The following ZNF638 variants were observed in gnomAD, a reference collection of about 807,000 sequenced individuals.
ZNF638 encodes CTCL tumor antigen se33-1.
In ZNF638, 46 loss-of-function variants were observed where a neutral mutation model predicts 195.6. The ratio of observed to expected loss-of-function variants is 0.24; its 90% CI spans 0.19 to 0.30. ZNF638 has a LOEUF of 0.30. Ranked by LOEUF, ZNF638 falls within the 10% of genes least tolerant of loss-of-function variation. The pLI, the probability that ZNF638 is intolerant of heterozygous loss-of-function variation, is 1.00. For missense variants in ZNF638, 2,440 were observed against 2,325.3 expected (o/e 1.05, Z -1.01); for synonymous variants, 845 against 772.0 (o/e 1.09, Z -1.57).
At chr2:71,424,165 A>G in intron 22 of ZNF638, 127 bp downstream of exon 22, 1 of 1,287,810 alleles carries the variant, frequency 7.8e-7, no homozygotes, top group Non-Finnish European at 1.0e-6. Flanking sequence ...GGAAGCTCCC[A>G]TTTCCTTTTC....
At chr2:71,377,073 G>T (rs1286960445) in intron 8 of ZNF638, among the ~76,000 whole-genome samples, 1 of 152,164 alleles carries the variant, frequency 6.6e-6, no homozygotes, top group African/African-American at 2.4e-5. Flanking sequence ...AGGAGTTTGA[G>T]ACTAGCCCAG....
Position 71,348,892 on chromosome 2 carries a change from G to A in ZNF638, c.-63G>A, listed in dbSNP as rs1290504354. 5.6e-6 allele frequency: 9 copies of A among 1,613,738 alleles called. No homozygotes were observed. The highest frequency in any genetic ancestry group is 5.5e-5 in the South Asian group (5 of 91,012). On this transcript the variant is annotated 5_prime_UTR_variant, in exon 2 of 28. Coordinates refer to ENST00000264447, the MANE Select transcript of ZNF638 (RefSeq NM_014497.5). ...GTTGGCGCTTCAGCAGCTGAATGCC[G>A]TTGCCTCACATGGTTCAACACCACC...
Position 71,423,998 on chromosome 2 carries a change from C to G in ZNF638, c.4484C>G (p.Ala1495Gly). ...ACAAAACAATCTCAGGAAACAGAGG[C>G]TAGACCTTCCATCATGAAACGGGAT... ...DITKQSQETEARPSIMKRDDS... is the reference protein window; with the variant it reads ...DITKQSQETEGRPSIMKRDDS... Residue 1495 changes from alanine to glycine, a missense_variant, in exon 22 of 28, where the codon GCT (alanine) becomes GGT (glycine). Physicochemically the swap from Ala to Gly is moderately conservative, Grantham distance 60 (BLOSUM62 0). Transcript: ENST00000264447. 1 of 1,613,962 alleles carries G rather than the reference C, an allele frequency of 6.2e-7. No individual in the cohort carries two copies. Among genetic ancestry groups the G allele is most frequent in the Non-Finnish European group, 8.5e-7 (1 of 1,179,914 alleles).
intron 1 of ZNF638, among the ~76,000 whole-genome samples, chr2:71,332,216 G>A (rs2078583390): frequency 6.6e-6 from 1 of 152,242 alleles, no homozygotes; most frequent in South Asian, 2.1e-4. Flanking sequence ...AGGCCGAGGC[G>A]GCCCCTTCCC....
intron 19 of ZNF638, 36 bp from the exon 20 acceptor site, chr2:71,408,086 A>T (rs763356701): frequency 3.2e-6 from 5 of 1,581,666 alleles, no homozygotes; most frequent in South Asian, 2.3e-5. Flanking sequence ...CAATTTTTTT[A>T]AAGAACTATT....
chr2:71,421,789 G>A (rs2080439440), intron 21 of ZNF638, among the ~76,000 whole-genome samples: 1 of 152,056 alleles, frequency 6.6e-6, no homozygotes, highest in Non-Finnish European at 1.5e-5. Flanking sequence ...GAATATATTT[G>A]GTAAATTTTA....
intron 3 of ZNF638, among the ~76,000 whole-genome samples, chr2:71,357,129 C>G (rs1439510853): frequency 2.0e-5 from 3 of 152,164 alleles, no homozygotes; most frequent in African/African-American, 7.2e-5. Context: ...ATATATGCCT[C>G]TCCCATCTGA....
chr2:71,426,728 C>T lies in ZNF638; in HGVS notation c.4859C>T (p.Thr1620Ile). 6.2e-7 allele frequency: 1 copy of T among 1,614,112 alleles called. No homozygotes were observed. Among genetic ancestry groups the T allele is most frequent in the Non-Finnish European group, 8.5e-7 (1 of 1,180,012 alleles). The change falls in exon 24 of 28, where the codon ACT (threonine) becomes ATT (isoleucine). Residue 1620 changes from threonine to isoleucine, a missense_variant. Coordinates refer to ENST00000264447, the MANE Select transcript of ZNF638 (RefSeq NM_014497.5). ...AAAHLAQALV[T>I]VDEVIDEEEL... is the part of the protein sequence containing the mutation. ...GCACATCTAGCACAAGCTCTAGTCACTGTGGATGAAGTAATTGATGAAGAA... is the reference window on the plus strand; with the variant it reads ...GCACATCTAGCACAAGCTCTAGTCATTGTGGATGAAGTAATTGATGAAGAA...
At chr2:71,367,621 A>G (rs1215757993) in intron 6 of ZNF638, among the ~76,000 whole-genome samples, 1 of 151,422 alleles carries the variant, frequency 6.6e-6, no homozygotes, top group Non-Finnish European at 1.5e-5. Flanking sequence ...TTTTATTTTT[A>G]GCAGAGACGG....
intron 8 of ZNF638, among the ~76,000 whole-genome samples, chr2:71,377,147 C>T (rs1034319161): frequency 3.3e-5 from 5 of 151,998 alleles, no homozygotes; most frequent in Non-Finnish European, 1.5e-5. Context: ...GTGGCACGCA[C>T]CCAGCTGCTG....
At chr2:71,350,992 C>T (rs2078930771) in intron 2 of ZNF638, among the ~76,000 whole-genome samples, 2 of 152,146 alleles carry the variant, frequency 1.3e-5, no homozygotes, top group Non-Finnish European at 2.9e-5. Flanking sequence ...TAATGTAGAA[C>T]ATACTGTTCA....
At chr2:71,357,447 G>GT (rs1486911453) in intron 3 of ZNF638, among the ~76,000 whole-genome samples, 1 of 152,198 alleles carries the variant, frequency 6.6e-6, no homozygotes, top group Non-Finnish European at 1.5e-5. Flanking sequence ...TACTGCCACT[G>GT]TAAGGAATAC....
rs556855275 is a variant in ZNF638, at chr2:71,333,943, C to T, written c.-203+2068C>T. ...GCATTGTTTGATAGAAAATTATAATCTGTGGGTATTCTCTTCTAATTAAAC... is the reference window on the plus strand; with the variant it reads ...GCATTGTTTGATAGAAAATTATAATTTGTGGGTATTCTCTTCTAATTAAAC... On this transcript the variant is annotated intron_variant, in intron 1 of 27. Transcript: ENST00000264447. Among the ~76,000 whole-genome samples, 5 of 152,268 alleles carry T rather than the reference C, an allele frequency of 3.3e-5. No homozygotes were observed. In the South Asian group the frequency reaches 1.0e-3, roughly 32 times the overall value.
rs908907021 is a variant in ZNF638 at position 71,426,902 on chromosome 2, A to C, written c.5033A>C (p.Glu1678Ala). The C allele has an allele frequency of 6.2e-7, 1 of 1,614,198 alleles. No individual in the cohort carries two copies. Among genetic ancestry groups the C allele is most frequent in the Non-Finnish European group, 8.5e-7 (1 of 1,180,016 alleles). The change falls in exon 24 of 28, where the codon GAA becomes GCA. Residue 1678 changes from glutamate to alanine, a missense_variant. Coordinates refer to ENST00000264447, the MANE Select transcript of ZNF638 (RefSeq NM_014497.5). ...VAEEQDLLKQ[E>A]RLVTVDEIGE... The stretch of plus-strand genomic sequence containing the variant: ...GAAGAACAAGATCTCCTCAAACAGG[A>C]ACGCTTGGTAACTGTGGATGAAATT...
chr2:71,377,610 G>A (rs2079455332), intron 8 of ZNF638, among the ~76,000 whole-genome samples: 2 of 152,218 alleles, frequency 1.3e-5, no homozygotes, highest in South Asian at 4.1e-4. Context: ...TTATGCCTCT[G>A]TTGTGTCAGG....
chr2:71,406,854 G>A (rs1440533608), intron 19 of ZNF638, among the ~76,000 whole-genome samples: 1 of 152,090 alleles, frequency 6.6e-6, no homozygotes, highest in Non-Finnish European at 1.5e-5. Flanking sequence ...TTAAAAATTA[G>A]CTGGGCATGG....
At chr2:71,409,216 A>G (rs1047905944) in intron 20 of ZNF638, among the ~76,000 whole-genome samples, 2 of 152,140 alleles carry the variant, frequency 1.3e-5, no homozygotes, top group Admixed American at 6.5e-5. Flanking sequence ...CCAGAACCTT[A>G]TTCGTATAGT....
At chr2:71,393,026 T>C (rs1488516228) in intron 10 of ZNF638, among the ~76,000 whole-genome samples, 1 of 152,224 alleles carries the variant, frequency 6.6e-6, no homozygotes, top group Non-Finnish European at 1.5e-5. Flanking sequence ...GATAATAATC[T>C]GGCCTGTGCC....
intron 27 of ZNF638, 28 bp downstream of exon 27, chr2:71,433,311 TGAG>T: frequency 6.7e-7 from 1 of 1,484,098 alleles, no homozygotes; most frequent in Non-Finnish European, 9.4e-7. Context: ...TACAAAATCT[TGAG>T]GTGTTGTTAT....
Sources: allele counts gnomAD v4.1 joint callset (sites outside exome capture counted in the v4.1 genomes callset), GRCh38; gene constraint gnomAD v4.1.1; transcripts MANE v1.5; gene names NCBI Gene and HGNC (gene_info 2026-07-23, HGNC 2026-07-21).